The following NCALD variants were observed in gnomAD, a reference collection of about 807,000 sequenced individuals.
NCALD encodes neurocalcin delta.
In NCALD, 10 loss-of-function variants were observed where a neutral mutation model predicts 18.6. That is an observed-to-expected ratio of 0.54 (90% CI 0.33 to 0.91). The LOEUF (loss-of-function observed/expected upper bound fraction) is 0.91, where lower values mean the gene tolerates loss of function less well. Among genes scored for constraint, NCALD ranks in the 40% least tolerant of loss-of-function variants. The pLI is 0.03. For missense variants in NCALD, 184 were observed against 247.6 expected, an observed-to-expected ratio of 0.74 and a Z score of 1.72; for synonymous variants, 88 against 87.4, an observed-to-expected ratio of 1.01 and a Z score of -0.04.
At chr8:102,105,069 A>C (rs1400768606) in intron 1 of NCALD, among the ~76,000 whole-genome samples, 1 of 152,172 alleles carries the variant, frequency 6.6e-6, no homozygotes, top group Non-Finnish European at 1.5e-5. Flanking sequence ...GAGCCAAGAG[A>C]TAGATTTCTG....
At position 102,094,873 on chromosome 8, in the gene NCALD, G is replaced by A. The variant is rs553040840; in HGVS notation, c.-210+29364C>T. ...TGTCCACACGACAGGGAACACAAAC[G>A]ATTGCTGGAAACCACAAGAAGCTAG... On this transcript the variant is annotated intron_variant, in intron 1 of 6. Coordinates refer to the NCALD transcript ENST00000311028. Among the ~76,000 whole-genome samples the A allele has an allele frequency of 3.3e-5, 5 of 152,310 alleles. No homozygotes were observed. In the East Asian group the frequency reaches 9.6e-4, roughly 29 times the overall value.
intron 2 of NCALD, among the ~76,000 whole-genome samples, chr8:101,943,802 A>G (rs1228132173): frequency 6.6e-6 from 1 of 152,062 alleles, no homozygotes; most frequent in Non-Finnish European, 1.5e-5. Context: ...TTAGCCAGGC[A>G]TGGTGGCGGG....
chr8:102,047,310 C>T (rs17499067), intron 1 of NCALD, among the ~76,000 whole-genome samples: 21,164 of 152,098 alleles, frequency 0.14, 1,755 homozygotes, highest in Non-Finnish European at 0.19. Flanking sequence ...TGATATCTGA[C>T]GTGATATTAG....
At chr8:101,974,302 T>G (rs1820344654) in intron 2 of NCALD, among the ~76,000 whole-genome samples, 10 of 152,204 alleles carry the variant, frequency 6.6e-5, no homozygotes, top group African/African-American at 2.4e-4. Context: ...AATTTTATGA[T>G]CTTTGATATA....
chr8:101,969,130 A>G (rs1820142820), intron 2 of NCALD, among the ~76,000 whole-genome samples: 1 of 152,242 alleles, frequency 6.6e-6, no homozygotes, highest in Admixed American at 6.5e-5. Context: ...ACCTGTCTCC[A>G]TTAAATCTGG....
intron 1 of NCALD, among the ~76,000 whole-genome samples, chr8:101,782,044 C>A (rs1812034998): frequency 6.9e-6 from 1 of 144,612 alleles, no homozygotes. Flanking sequence ...GAATAATGTG[C>A]AGTGTCTCAG....
intron 4 of NCALD, among the ~76,000 whole-genome samples, chr8:101,814,321 C>T (rs1813415026): frequency 6.6e-6 from 1 of 151,900 alleles, no homozygotes; most frequent in Non-Finnish European, 1.5e-5. Context: ...GGATTTATGC[C>T]AGGTATGGTT....
chr8:101,888,154 AG>A (rs1816742096), intron 3 of NCALD, among the ~76,000 whole-genome samples: 1 of 152,202 alleles, frequency 6.6e-6, no homozygotes, highest in African/African-American at 2.4e-5. Flanking sequence ...AGGTAAGAGT[AG>A]GGTCAATCCA....
Position 101,908,444 on chromosome 8 carries a change from ATGT to A in NCALD, c.-107+7362_-107+7364del, listed in dbSNP as rs1239792155. ...TTTTTCTCCTCTGACCCCACAAACA[ATGT>A]TGTTTTGGAGAACCACAAACCACAA... On this transcript the variant is annotated intron_variant, in intron 3 of 6. Coordinates refer to the NCALD transcript ENST00000311028. 2.4e-4 allele frequency among the ~76,000 whole-genome samples: 37 copies of A among 152,268 alleles called. 1 individual carries two copies. The highest frequency in any genetic ancestry group is 8.7e-4 in the African/African-American group (36 of 41,518).
chr8:101,788,562 A>T (rs1409758055), intron 1 of NCALD: 2 of 152,220 alleles, frequency 1.3e-5, no homozygotes, highest in African/African-American at 4.8e-5. Flanking sequence ...AGCATGTATC[A>T]CAATTTTGTA....
At chr8:101,740,241 T>A (rs1053736590) in intron 1 of NCALD, among the ~76,000 whole-genome samples, 2 of 152,234 alleles carry the variant, frequency 1.3e-5, no homozygotes, top group African/African-American at 4.8e-5. Context: ...ACTAAAAGTG[T>A]GTGCAGGCAC....
chr8:101,838,575 T>G (rs2131278087), intron 4 of NCALD, among the ~76,000 whole-genome samples: 1 of 152,130 alleles, frequency 6.6e-6, no homozygotes, highest in South Asian at 2.1e-4. Context: ...AAAACAGGGG[T>G]TTTCTAAGAA....
At chr8:101,703,161 T>C (rs1401555233) in intron 2 of NCALD, among the ~76,000 whole-genome samples, 1 of 152,034 alleles carries the variant, frequency 6.6e-6, no homozygotes, top group East Asian at 1.9e-4. Context: ...TCTTTTTTTT[T>C]TTTTCCCCCA....
intron 2 of NCALD, among the ~76,000 whole-genome samples, chr8:102,007,083 G>A (rs950031675): frequency 3.9e-5 from 6 of 152,116 alleles, no homozygotes; most frequent in Non-Finnish European, 2.9e-5. Context: ...AAAAACTATC[G>A]CAGATCCAAG....
intron 4 of NCALD, among the ~76,000 whole-genome samples, chr8:101,846,882 C>A (rs183844491): frequency 6.6e-6 from 1 of 152,110 alleles, no homozygotes; most frequent in South Asian, 2.1e-4. Flanking sequence ...TCAACACAGG[C>A]GATCATGGTG....
At chr8:101,716,662 T>C (rs1816100852) in intron 2 of NCALD, among the ~76,000 whole-genome samples, 1 of 152,168 alleles carries the variant, frequency 6.6e-6, no homozygotes, top group Non-Finnish European at 1.5e-5. Flanking sequence ...CCCCCAAAGA[T>C]GTCCACATCC....
At chr8:101,699,162 T>C (rs1284264044) in intron 2 of NCALD, among the ~76,000 whole-genome samples, 1 of 151,216 alleles carries the variant, frequency 6.6e-6, no homozygotes, top group East Asian at 1.9e-4. Context: ...TACAAACATA[T>C]GAAAAAGCGT....
At chr8:102,100,301 G>T (rs529584819) in intron 1 of NCALD, among the ~76,000 whole-genome samples, 14 of 151,994 alleles carry the variant, frequency 9.2e-5, no homozygotes, top group African/African-American at 3.4e-4. Context: ...AACTCAAGGA[G>T]GAATAAATCA....
At chr8:101,691,866 A>G (rs1213148127) in intron 3 of NCALD, 16 of 985,316 alleles carry the variant, frequency 1.6e-5, no homozygotes, top group African/African-American at 5.2e-5. Flanking sequence ...CACATGGTTG[A>G]CAAGAATTGC....
Sources: allele counts gnomAD v4.1 joint callset (sites outside exome capture counted in the v4.1 genomes callset), GRCh38; gene constraint gnomAD v4.1.1; transcripts MANE v1.5; gene names NCBI Gene and HGNC (gene_info 2026-07-23, HGNC 2026-07-21).